Variants in HHLA1 observed in about 807,000 individuals in gnomAD.
The protein encoded by HHLA1 is HHLA1 neighbor of OC90.
A neutral mutation model predicts 69.9 loss-of-function variants in HHLA1; 72 were observed. The ratio of observed to expected loss-of-function variants is 1.03; its 90% CI spans 0.85 to 1.25. The LOEUF is 1.25. Among genes scored for constraint, HHLA1 ranks in the 50% most tolerant of loss-of-function variants. The pLI is 0.00. For synonymous variants in HHLA1, 252 were observed against 233.2 expected (o/e 1.08, Z -0.73); for missense variants, 685 against 642.2 (o/e 1.07, Z -0.72).
At chr8:132,087,598 G>T in intron 10 of HHLA1, 55 bp downstream of exon 10, 1 of 1,163,170 alleles carries the variant, frequency 8.6e-7, no homozygotes, top group Non-Finnish European at 1.3e-6. Flanking sequence ...TAGTGTGCCA[G>T]GTGGGACCCT....
chr8:132,093,129 G>C (rs1281698262), intron 7 of HHLA1, among the ~76,000 whole-genome samples: 1 of 152,134 alleles, frequency 6.6e-6, no homozygotes, highest in East Asian at 1.9e-4. Flanking sequence ...TATTAGCTGG[G>C]GTACATAGGT....
intron 15 of HHLA1, among the ~76,000 whole-genome samples, chr8:132,067,668 C>A (rs1425009785): frequency 6.6e-6 from 1 of 152,208 alleles, no homozygotes. Context: ...CAAAGCGCAG[C>A]GTTCCAGGTA....
rs571208630 is a variant in HHLA1, at chr8:132,085,074, C to G, written c.676+2579G>C. On this transcript the variant is annotated intron_variant, in intron 10 of 16. Transcript: ENST00000414222. Reference sequence around the variant, plus strand: ...GAGAGAAGGGGTTGGAGTACTTGCCCCTTCCCCAGAAAAGTGGGACTTGCC... The same window carrying G: ...GAGAGAAGGGGTTGGAGTACTTGCCGCTTCCCCAGAAAAGTGGGACTTGCC... 3.3e-5 allele frequency among the ~76,000 whole-genome samples: 5 copies of G among 152,074 alleles called. No homozygotes were observed. The South Asian group carries it at 1.0e-3, about 32-fold the overall frequency.
In HHLA1 at chr8:132,087,880, T is replaced by G; in HGVS notation, c.554A>C (p.Asp185Ala). ...ILSVNQSNES[D>A]CIFICVMTGK... ...TGTCATCACACAGATGAAGATGCAA[T>G]CTGATTCATTGCTTTGATTCACTGT... Residue 185 changes from aspartate to alanine, a missense_variant, in exon 9 of 17, where the codon GAT becomes GCT. Physicochemically the swap from Asp to Ala is moderately radical, Grantham distance 126. Transcript: ENST00000414222. The G allele has an allele frequency of 6.4e-7, 1 of 1,551,590 alleles. No homozygotes were observed. The highest frequency in any genetic ancestry group is 8.7e-7 in the Non-Finnish European group (1 of 1,146,736).
chr8:132,109,656 G>C (rs554401860), intron 1 of HHLA1, among the ~76,000 whole-genome samples: 2 of 152,066 alleles, frequency 1.3e-5, no homozygotes, highest in Non-Finnish European at 2.9e-5. Flanking sequence ...GGGTTCTGAC[G>C]TGCAGCCCCC....
At chr8:132,088,680 G>A (rs1207780872) in intron 8 of HHLA1, among the ~76,000 whole-genome samples, 1 of 152,166 alleles carries the variant, frequency 6.6e-6, no homozygotes, top group African/African-American at 2.4e-5. Flanking sequence ...GTATTACTAT[G>A]ATTATATATA....
intron 15 of HHLA1, chr8:132,070,268 G>A: frequency 1.4e-6 from 1 of 698,814 alleles, no homozygotes; most frequent in Non-Finnish European, 2.6e-6. Flanking sequence ...CAGCATTGTA[G>A]GACAGAAAAT....
intron 10 of HHLA1, chr8:132,085,664 G>A (rs944870163): frequency 6.4e-6 from 1 of 157,030 alleles, no homozygotes; most frequent in Non-Finnish European, 1.4e-5. Context: ...AGTGAAGGGA[G>A]ATAAGGGTGG....
At chr8:132,077,646 A>G in intron 12 of HHLA1, 80 bp downstream of exon 12, 1 of 1,443,286 alleles carries the variant, frequency 6.9e-7, no homozygotes, top group East Asian at 2.5e-5. Flanking sequence ...TATATTCCAA[A>G]AATTTAGAAA....
intron 8 of HHLA1, among the ~76,000 whole-genome samples, chr8:132,088,831 C>A (rs1266419734): frequency 6.6e-6 from 1 of 152,190 alleles, no homozygotes; most frequent in African/African-American, 2.4e-5. Context: ...AATATAGTAG[C>A]TGCCCCAAAA....
At chr8:132,103,580 C>G (rs1824151952) in intron 3 of HHLA1, among the ~76,000 whole-genome samples, 1 of 152,028 alleles carries the variant, frequency 6.6e-6, no homozygotes, top group African/African-American at 2.4e-5. Flanking sequence ...ATCGTGCCAC[C>G]TGACTCCCAT....
intron 10 of HHLA1, among the ~76,000 whole-genome samples, chr8:132,084,802 A>G (rs1823831678): frequency 6.6e-6 from 1 of 150,792 alleles, no homozygotes; most frequent in African/African-American, 2.4e-5. Context: ...AGAAAAGTAG[A>G]GAAGGGGTTG....
intron 3 of HHLA1, among the ~76,000 whole-genome samples, chr8:132,100,363 G>T (rs984649837): frequency 6.6e-6 from 1 of 152,050 alleles, no homozygotes; most frequent in Admixed American, 6.5e-5. Flanking sequence ...TCAGCTTGGC[G>T]ATTCTGATAC....
At chr8:132,093,440 AT>A (rs1187175056) in intron 7 of HHLA1, among the ~76,000 whole-genome samples, 1 of 152,232 alleles carries the variant, frequency 6.6e-6, no homozygotes, top group Non-Finnish European at 1.5e-5. Flanking sequence ...AGTTGAAAAC[AT>A]TAAAAAGAAA....
At chr8:132,082,600 C>T (rs1459150296) in intron 10 of HHLA1, among the ~76,000 whole-genome samples, 2 of 152,096 alleles carry the variant, frequency 1.3e-5, no homozygotes, top group Non-Finnish European at 2.9e-5. Flanking sequence ...GTCTGTGAAG[C>T]TTTGCAGCAG....
intron 14 of HHLA1, among the ~76,000 whole-genome samples, chr8:132,073,177 C>T (rs1823577917): frequency 6.6e-6 from 1 of 152,084 alleles, no homozygotes; most frequent in South Asian, 2.1e-4. Context: ...TGGGGCCTTG[C>T]TATGTTGCCC....
In HHLA1 at chr8:132,079,967, C is replaced by A; in HGVS notation, c.677-1G>T. On this transcript the variant is annotated splice_acceptor_variant, in intron 10 of 16. Coordinates refer to ENST00000414222, the MANE Select transcript of HHLA1 (RefSeq NM_001145095.3). LOFTEE classifies it high-confidence loss of function. ...CTGGCAGTTCCCCTGGTAGCTGCAC[C>A]TTCAGGGAGGCAGTCAATGGTAACA... 1.9e-6 allele frequency: 3 copies of A among 1,552,224 alleles called. No homozygotes were observed. Among genetic ancestry groups the A allele is most frequent in the Non-Finnish European group, 2.6e-6 (3 of 1,147,124 alleles).
At chr8:132,070,222 A>G in intron 15 of HHLA1, 1 of 662,700 alleles carries the variant, frequency 1.5e-6, no homozygotes, top group Non-Finnish European at 2.7e-6. Flanking sequence ...CTGGGTTTAC[A>G]GCCAAGAATA....
chr8:132,074,537 A>G (rs894799306), intron 14 of HHLA1, among the ~76,000 whole-genome samples: 1 of 152,230 alleles, frequency 6.6e-6, no homozygotes, highest in Non-Finnish European at 1.5e-5. Flanking sequence ...CTGGCAGTAC[A>G]GTAGGAGCCC....
Sources: allele counts gnomAD v4.1 joint callset (sites outside exome capture counted in the v4.1 genomes callset), GRCh38; gene constraint gnomAD v4.1.1; transcripts MANE v1.5; gene names NCBI Gene and HGNC (gene_info 2026-07-23, HGNC 2026-07-21).